The following NUDT3 variants were observed in gnomAD, a reference collection of about 807,000 sequenced individuals.
The protein encoded by NUDT3 is nudix hydrolase 3.
In NUDT3, 9 loss-of-function variants were observed where a neutral mutation model predicts 23.6. The ratio of observed to expected loss-of-function variants is 0.38; its 90% confidence interval spans 0.23 to 0.66. The LOEUF is 0.66. Ranked by LOEUF, NUDT3 falls within the 30% of genes least tolerant of loss-of-function variation. NUDT3 has a pLI of 0.52. For missense variants in NUDT3, 172 were observed against 218.5 expected (o/e 0.79, Z 1.34); for synonymous variants, 86 against 82.6 (o/e 1.04, Z -0.22).
rs1561896117 is a variant in NUDT3, at chr6:34,289,082, ATAT to A, written c.341-154_341-152del. 1.7e-5 allele frequency: 17 copies of A among 1,010,232 alleles called. 1 individual carries two copies. In the African/African-American group the frequency reaches 2.0e-4, roughly 12 times the overall value. The allele number at this position is 1,010,232 out of a possible 1,614,324, so 62.6% of individuals were successfully genotyped here. ...CTCAAGCACACTTCATATGCTTCAA[ATAT>A]TATATCAATGTCTAATGCAGAAAGG... is the stretch of plus-strand genomic sequence containing the variant. On this transcript the variant is annotated intron_variant, in intron 4 of 4. Coordinates refer to ENST00000607016, the MANE Select transcript of NUDT3 (RefSeq NM_006703.4).
intron 1 of NUDT3, among the ~76,000 whole-genome samples, chr6:34,351,223 AAAAC>A: frequency 7.4e-6 from 1 of 135,032 alleles, no homozygotes; most frequent in African/African-American, 3.1e-5. Flanking sequence ...AAAAAAAAAA[AAAAC>A]ACTTTGGGAG....
chr6:34,359,989 G>C (rs548239614), intron 1 of NUDT3, among the ~76,000 whole-genome samples: 2 of 152,086 alleles, frequency 1.3e-5, no homozygotes, highest in Non-Finnish European at 2.9e-5. Flanking sequence ...TATACGCTGG[G>C]AGGCTGAAGT....
chr6:34,307,534 C>T (rs924114294), intron 2 of NUDT3, among the ~76,000 whole-genome samples: 2 of 152,110 alleles, frequency 1.3e-5, no homozygotes, highest in African/African-American at 4.8e-5. Flanking sequence ...TATGACTGCA[C>T]CACTGCTCTC....
chr6:34,319,046 A>G (rs1033903476), intron 2 of NUDT3, among the ~76,000 whole-genome samples: 2 of 152,056 alleles, frequency 1.3e-5, no homozygotes, highest in South Asian at 2.1e-4. Context: ...CAGTAAAAAA[A>G]AAAAAGGGCT....
In NUDT3 at chr6:34,383,278, C is replaced by T. The variant is rs1040448207; in HGVS notation, c.99+8986G>A. On this transcript the variant is annotated intron_variant, in intron 1 of 4. Transcript: ENST00000607016. ...ATCAGAAATATGTTAAATAACCAAG[C>T]CGAAGAAAAGATTTTCTAAGCAGTT... Among the ~76,000 whole-genome samples, 5 of 152,120 alleles carry T rather than the reference C, an allele frequency of 3.3e-5. No homozygotes were observed. In the East Asian group the frequency reaches 9.6e-4, roughly 29 times the overall value.
intron 1 of NUDT3, among the ~76,000 whole-genome samples, chr6:34,345,772 T>C (rs576627894): frequency 6.6e-6 from 1 of 152,076 alleles, no homozygotes; most frequent in African/African-American, 2.4e-5. Flanking sequence ...TTTTGTTTTG[T>C]TTTGTTTTGT....
At chr6:34,344,570 A>G (rs547372608) in intron 1 of NUDT3, among the ~76,000 whole-genome samples, 2 of 152,350 alleles carry the variant, frequency 1.3e-5, no homozygotes, top group Admixed American at 6.5e-5. Context: ...CAGCAACTGC[A>G]TAACAGGCAC....
chr6:34,357,987 G>A (rs1764588432), intron 1 of NUDT3, among the ~76,000 whole-genome samples: 1 of 152,078 alleles, frequency 6.6e-6, no homozygotes, highest in African/African-American at 2.4e-5. Context: ...TAAATATGAG[G>A]AAAGAATCCA....
chr6:34,321,143 ATGTG>A (rs1763935731), intron 2 of NUDT3, among the ~76,000 whole-genome samples: 2 of 151,994 alleles, frequency 1.3e-5, no homozygotes, highest in African/African-American at 4.8e-5. Flanking sequence ...AGGTTATAAT[ATGTG>A]TTGTCTCAGG....
intron 1 of NUDT3, among the ~76,000 whole-genome samples, chr6:34,381,808 C>T (rs1765022443): frequency 6.6e-6 from 1 of 151,962 alleles, no homozygotes; most frequent in South Asian, 2.1e-4. Flanking sequence ...GGCACGGTGG[C>T]TCACACCTGT....
intron 4 of NUDT3, among the ~76,000 whole-genome samples, chr6:34,291,086 G>A (rs560909519): frequency 5.5e-4 from 83 of 151,904 alleles, no homozygotes; most frequent in African/African-American, 1.8e-3. Context: ...CAGCCCCCAA[G>A]TAGCTGGGAC....
At position 34,280,613 on chromosome 6, in the gene NUDT3, T is replaced by G. The variant is rs2113684441; in HGVS notation, c.*8140A>C. ...ACACAGCCTCTTGGTTATTCCATTTTCTATCCCTTTCTACAATTATGAACA... is the reference window on the plus strand; with the variant it reads ...ACACAGCCTCTTGGTTATTCCATTTGCTATCCCTTTCTACAATTATGAACA... On this transcript the variant is annotated 3_prime_UTR_variant, in exon 5 of 5. Transcript: ENST00000607016. The G allele has an allele frequency of 6.6e-6, 1 of 152,358 alleles. No homozygotes were observed. Among genetic ancestry groups the G allele is most frequent in the East Asian group, 1.9e-4 (1 of 5,190 alleles). 9.4% of individuals were successfully genotyped at this position (152,358 alleles called of 1,614,324 possible).
chr6:34,293,331 G>C, intron 4 of NUDT3, 120 bp downstream of exon 4: 2 of 1,167,276 alleles, frequency 1.7e-6, no homozygotes, highest in South Asian at 2.7e-5. Flanking sequence ...CAAAGTACTG[G>C]GGTTATAGGT....
chr6:34,392,185 C>T lies in NUDT3; in HGVS notation c.99+79G>A. The T allele has an allele frequency of 4.3e-6, 5 of 1,160,432 alleles. 1 individual carries two copies. The Middle Eastern group carries it at 8.2e-4, about 190-fold the overall frequency. The allele number at this position is 1,160,432 out of a possible 1,614,324, so 71.9% of individuals were successfully genotyped here. ...GGGGCGGCCCTGGCACACCCTCCTCCGGCGGCCGCGCCCCTCGCGCCTCCA... is the reference window on the plus strand; with the variant it reads ...GGGGCGGCCCTGGCACACCCTCCTCTGGCGGCCGCGCCCCTCGCGCCTCCA... On this transcript the variant is annotated intron_variant, in intron 1 of 4. Transcript: ENST00000607016.
chr6:34,325,636 A>T (rs531573800), intron 2 of NUDT3, among the ~76,000 whole-genome samples: 43 of 152,372 alleles, frequency 2.8e-4, no homozygotes, highest in African/African-American at 1.0e-3. Flanking sequence ...AGGTGAACAA[A>T]GGTTTTCCTG....
chr6:34,380,196 C>T (rs1329051851), intron 1 of NUDT3, among the ~76,000 whole-genome samples: 1 of 151,932 alleles, frequency 6.6e-6, no homozygotes, highest in African/African-American at 2.4e-5. Flanking sequence ...GGATTACAGG[C>T]GCCTGCCACC....
At chr6:34,293,928 G>GAC (rs143214227) in intron 3 of NUDT3, among the ~76,000 whole-genome samples, 32 of 151,668 alleles carry the variant, frequency 2.1e-4, no homozygotes, top group Non-Finnish European at 4.1e-4. Context: ...AGCTGAGTGT[G>GAC]ACACACACAC....
chr6:34,350,506 G>C (rs185132360), intron 1 of NUDT3, among the ~76,000 whole-genome samples: 5 of 150,944 alleles, frequency 3.3e-5, no homozygotes, highest in Admixed American at 3.3e-4. Flanking sequence ...GTGTTTTAAA[G>C]AACAGCTGTC....
intron 2 of NUDT3, among the ~76,000 whole-genome samples, chr6:34,299,326 G>A (rs1181065250): frequency 3.3e-5 from 5 of 152,218 alleles, no homozygotes; most frequent in Admixed American, 3.3e-4. Flanking sequence ...CACTAATCTA[G>A]AGAGGGAGTC....
Sources: gnomAD v4.1 joint callset for allele counts (sites outside exome capture counted in the v4.1 genomes callset) on GRCh38, gnomAD v4.1.1 for gene constraint, MANE v1.5 for transcripts, NCBI Gene and HGNC (gene_info 2026-07-23, HGNC 2026-07-21) for gene names.